UNKL: variants seen among roughly 807,000 people sequenced by gnomAD.
UNKL encodes unk like zinc finger.
In UNKL, 60 loss-of-function variants were observed where a neutral mutation model predicts 78.0. That is an observed-to-expected ratio of 0.77 (90% CI 0.63 to 0.95). The LOEUF (loss-of-function observed/expected upper bound fraction) is 0.95, where lower values mean the gene tolerates loss of function less well. Among genes scored for constraint, UNKL ranks in the 40% least tolerant of loss-of-function variants. The pLI, the probability that UNKL is intolerant of heterozygous loss-of-function variation, is 0.00. For synonymous variants in UNKL, 608 were observed against 474.8 expected, an observed-to-expected ratio of 1.28 and a Z score of -3.65; for missense variants, 1,159 against 1,045.7, an observed-to-expected ratio of 1.11 and a Z score of -1.49.
chr16:1,401,798 C>G (rs990114836), intron 3 of UNKL, 97 bp from the exon 4 acceptor site: 8 of 1,481,706 alleles, frequency 5.4e-6, no homozygotes, highest in East Asian at 4.7e-5. Context: ...CACCACTGCA[C>G]AGAGAGGCTG....
Position 1,405,252 on chromosome 16 carries a change from G to A in UNKL, c.288-1908C>T, listed in dbSNP as rs1242963358. Among the ~76,000 whole-genome samples the A allele has an allele frequency of 4.3e-5, 6 of 139,022 alleles. 1 individual carries two copies. Among genetic ancestry groups the A allele is most frequent in the African/African-American group, 1.1e-4 (4 of 35,630 alleles). 91.2% of individuals were successfully genotyped at this position (139,022 alleles called of 152,430 possible). On this transcript the variant is annotated intron_variant, in intron 2 of 14. Transcript: ENST00000389221. Reference sequence around the variant, plus strand: ...GGCGAGGAAGGAAGGGAGGGAGGGAGAGGAAAGAAAGACAGGGAGGGAGGG... The same window carrying A: ...GGCGAGGAAGGAAGGGAGGGAGGGAAAGGAAAGAAAGACAGGGAGGGAGGG...
In UNKL at chr16:1,403,384, A is replaced by G; in HGVS notation, c.288-40T>C. ...GGCACGCAATGCCTGGTTATCATGG[A>G]CCCAGAGGCAGCCCTAAGCTCCCTG... On this transcript the variant is annotated intron_variant, in intron 2 of 14. Transcript: ENST00000389221. This position sits in a 1 kb window ranked among gnomAD's most constrained non-coding sequence, Gnocchi z 4.8. 2 of 1,589,418 alleles carry G rather than the reference A, an allele frequency of 1.3e-6. No homozygotes were observed. The highest frequency in any genetic ancestry group is 8.6e-7 in the Non-Finnish European group (1 of 1,168,622).
intron 12 of UNKL, chr16:1,368,247 T>C (rs1414091222): frequency 4.0e-6 from 1 of 247,464 alleles, no homozygotes; most frequent in South Asian, 7.2e-5. Flanking sequence ...GCTGTGTCCA[T>C]GTGGTGACTG....
intron 10 of UNKL, chr16:1,383,956 G>A (rs1246673497): frequency 4.0e-5 from 11 of 277,180 alleles, no homozygotes; most frequent in East Asian, 2.5e-4. Flanking sequence ...GGCCAGACCC[G>A]GGCTGAGCTG....
chr16:1,396,291 G>C (rs1030982156), intron 6 of UNKL, among the ~76,000 whole-genome samples: 3 of 143,634 alleles, frequency 2.1e-5, no homozygotes, highest in Admixed American at 7.0e-5. Flanking sequence ...GTCTCGCTCT[G>C]TCCTCCAAGC....
At chr16:1,378,717 G>A (rs1385406119) in intron 10 of UNKL, among the ~76,000 whole-genome samples, 1 of 152,118 alleles carries the variant, frequency 6.6e-6, no homozygotes, top group African/African-American at 2.4e-5. Context: ...TTCAGGGAGC[G>A]TGTGGGTGCC....
intron 14 of UNKL, 82 bp from the exon 15 acceptor site, chr16:1,366,477 G>A: frequency 1.4e-6 from 2 of 1,445,192 alleles, no homozygotes; most frequent in Non-Finnish European, 9.1e-7. Context: ...CTTCCGGGCA[G>A]GACTCAGCAT....
At chr16:1,376,514 G>C (rs2036239550) in intron 10 of UNKL, among the ~76,000 whole-genome samples, 1 of 152,126 alleles carries the variant, frequency 6.6e-6, no homozygotes, top group Admixed American at 6.5e-5. Flanking sequence ...CCTCCTTCAT[G>C]GCTGGCAGCT....
chr16:1,390,680 G>A lies in UNKL; in HGVS notation c.1038C>T (p.Asp346=). 1.3e-6 allele frequency: 2 copies of A among 1,536,064 alleles called. No homozygotes were observed. Among genetic ancestry groups the A allele is most frequent in the Middle Eastern group, 1.7e-4 (1 of 5,990 alleles). Residue 346 remains aspartate (D), a synonymous_variant, in exon 9 of 15, where the codon GAC becomes GAT. Coordinates refer to ENST00000389221, the MANE Select transcript of UNKL (RefSeq NM_001372107.1). The part of the protein sequence containing the change: ...SGQPGNAKRR[D]SPAEGGPRGS... ...CCCTAGGGCCACCCTCGGCCGGCGAGTCTCTCCGCTTGGCCTGCAACATAA... is the reference window on the plus strand; with the variant it reads ...CCCTAGGGCCACCCTCGGCCGGCGAATCTCTCCGCTTGGCCTGCAACATAA...
In UNKL at chr16:1,399,682, T is replaced by C. The variant is rs533973445; in HGVS notation, c.599-173A>G. 62 of 1,001,010 alleles carry C rather than the reference T, an allele frequency of 6.2e-5. No individual in the cohort carries two copies. Among genetic ancestry groups the C allele is most frequent in the Non-Finnish European group, 8.3e-5 (58 of 696,508 alleles). The allele number at this position is 1,001,010 out of a possible 1,614,324, so 62.0% of individuals were successfully genotyped here. A position where few individuals can be genotyped will look rare whatever the true frequency, so the allele number is the denominator to read the frequency against. On this transcript the variant is annotated intron_variant, in intron 4 of 14. Coordinates refer to ENST00000389221, the MANE Select transcript of UNKL (RefSeq NM_001372107.1). This position sits in a 1 kb window ranked among gnomAD's most constrained non-coding sequence, Gnocchi z 5.8. ...CTGATGTCAAAGGACTCGCGCTCCA[T>C]GAGGGAAGCCGGGCCAGAAGGCCAC... is the stretch of plus-strand genomic sequence containing the variant.
intron 8 of UNKL, among the ~76,000 whole-genome samples, chr16:1,392,549 C>G (rs1416146657): frequency 2.0e-5 from 3 of 152,222 alleles, no homozygotes; most frequent in Non-Finnish European, 4.4e-5. Context: ...ATTCTCCCGC[C>G]TCAGCCTCCT....
chr16:1,379,419 G>T, intron 10 of UNKL: 13 of 949,142 alleles, frequency 1.4e-5, no homozygotes, highest in Non-Finnish European at 1.6e-5. Context: ...AGCGGCGAGC[G>T]CCCGGCAGAG....
intron 2 of UNKL, among the ~76,000 whole-genome samples, chr16:1,404,189 CCT>C (rs552008405): frequency 1.1e-3 from 161 of 152,308 alleles, no homozygotes; most frequent in African/African-American, 3.3e-3. Context: ...ACAGAATCAC[CCT>C]GAGTGGCCCA....
In UNKL at chr16:1,366,193, G is replaced by A; in HGVS notation, c.*47C>T. On this transcript the variant is annotated 3_prime_UTR_variant, in exon 15 of 15. Transcript: ENST00000389221. ...GACGACATGTCCGTGGTCAGGAGGAGCGCTGGAGCCAGGGTGCCCAGCAGG... is the reference window on the plus strand; with the variant it reads ...GACGACATGTCCGTGGTCAGGAGGAACGCTGGAGCCAGGGTGCCCAGCAGG... 2.1e-6 allele frequency: 3 copies of A among 1,455,616 alleles called. No individual in the cohort carries two copies. The highest frequency in any genetic ancestry group is 1.4e-5 in the African/African-American group (1 of 71,022). 90.2% of individuals were successfully genotyped at this position (1,455,616 alleles called of 1,614,324 possible).
intron 2 of UNKL, among the ~76,000 whole-genome samples, chr16:1,405,538 T>C (rs2037715542): frequency 1.3e-5 from 2 of 150,966 alleles, no homozygotes; most frequent in South Asian, 4.2e-4. Context: ...ATCGCGCCAC[T>C]GTACTCCAGG....
Position 1,363,289 on chromosome 16 carries a change from A to C in UNKL, c.*2951T>G, listed in dbSNP as rs2034979977. ...AACCATTGCATAAATGCTATAGTGT[A>C]AAAAAATTTAAACAAGTGTTAACTT... On this transcript the variant is annotated 3_prime_UTR_variant, in exon 15 of 15. Coordinates refer to ENST00000389221, the MANE Select transcript of UNKL (RefSeq NM_001372107.1). 2 of 599,470 alleles carry C rather than the reference A, an allele frequency of 3.3e-6. No individual in the cohort carries two copies. The highest frequency in any genetic ancestry group is 3.7e-5 in the African/African-American group (2 of 53,820). 37.1% of individuals were successfully genotyped at this position (599,470 alleles called of 1,614,324 possible). A position where few individuals can be genotyped will look rare whatever the true frequency, so the allele number is the denominator to read the frequency against.
chr16:1,414,124 G>A, intron 1 of UNKL, 69 bp from the exon 2 acceptor site: 1 of 1,440,300 alleles, frequency 6.9e-7, no homozygotes, highest in Non-Finnish European at 9.4e-7. Context: ...CGTGGGCGGC[G>A]GGACCCACCG....
chr16:1,368,070 C>CA, intron 12 of UNKL: 1 of 525,432 alleles, frequency 1.9e-6, no homozygotes, highest in South Asian at 2.9e-5. Flanking sequence ...CCTGCCCCGG[C>CA]CGGTCTCCCC....
chr16:1,385,079 T>TA, intron 10 of UNKL, 129 bp downstream of exon 10: 1 of 737,662 alleles, frequency 1.4e-6, no homozygotes, highest in Non-Finnish European at 1.9e-6. Flanking sequence ...TGACTGAAAA[T>TA]ACGCGTCTGG....
Sources: allele counts gnomAD v4.1 joint callset (sites outside exome capture counted in the v4.1 genomes callset), GRCh38; gene constraint gnomAD v4.1.1; non-coding constraint Gnocchi (gnomAD v3.1); transcripts MANE v1.5; gene names NCBI Gene and HGNC (gene_info 2026-07-23, HGNC 2026-07-21).